PDE11A: variants seen among roughly 807,000 people sequenced by gnomAD.
PDE11A encodes phosphodiesterase 11A, also known as dual 3',5'-cyclic-AMP and -GMP phosphodiesterase 11A.
A neutral mutation model predicts 100.5 loss-of-function variants in PDE11A; 100 were observed. The ratio of observed to expected loss-of-function variants is 1.00; its 90% CI spans 0.85 to 1.18. PDE11A has a LOEUF of 1.18. Among genes scored for constraint, PDE11A ranks in the 50% most tolerant of loss-of-function variants. The probability of loss-of-function intolerance (pLI) is 0.00; values close to 1 mark genes in which losing one functional copy is unlikely to be tolerated. For missense variants in PDE11A, 1,141 were observed against 1,152.6 expected (o/e 0.99, Z 0.15); for synonymous variants, 381 against 420.8 (o/e 0.91, Z 1.16).
chr2:177,779,243 C>A (rs1334988264), intron 9 of PDE11A, among the ~76,000 whole-genome samples: 1 of 152,264 alleles, frequency 6.6e-6, no homozygotes, highest in African/African-American at 2.4e-5. Context: ...ATCATCTGAG[C>A]CTTCAGCAAG....
chr2:178,053,632 A>C (rs2086857512), intron 1 of PDE11A, among the ~76,000 whole-genome samples: 1 of 152,134 alleles, frequency 6.6e-6, no homozygotes, highest in East Asian at 1.9e-4. Flanking sequence ...CTCAGCCCAA[A>C]ATCTCCTTAA....
At chr2:177,697,897 A>C (rs1404618389) in intron 14 of PDE11A, among the ~76,000 whole-genome samples, 4 of 152,248 alleles carry the variant, frequency 2.6e-5, no homozygotes, top group African/African-American at 9.6e-5. Context: ...AAAAGCCATT[A>C]GAACAGTGGT....
chr2:177,787,873 C>T (rs922792709), intron 9 of PDE11A, among the ~76,000 whole-genome samples: 1 of 152,144 alleles, frequency 6.6e-6, no homozygotes, highest in Non-Finnish European at 1.5e-5. Flanking sequence ...TACAGGAGCA[C>T]CCAGATTCAT....
At chr2:177,718,674 A>G (rs1287580730) in intron 12 of PDE11A, among the ~76,000 whole-genome samples, 1 of 152,220 alleles carries the variant, frequency 6.6e-6, no homozygotes, top group African/African-American at 2.4e-5. Context: ...GACTGTTAAG[A>G]TGTATATCAA....
chr2:178,050,132 G>A (rs1279490830), intron 1 of PDE11A, among the ~76,000 whole-genome samples: 1 of 152,076 alleles, frequency 6.6e-6, no homozygotes, highest in Non-Finnish European at 1.5e-5. Context: ...ATACGGCCAG[G>A]TGCCCCTCTG....
intron 6 of PDE11A, among the ~76,000 whole-genome samples, chr2:177,830,935 G>T (rs192411988): frequency 6.6e-6 from 1 of 152,028 alleles, no homozygotes; most frequent in Non-Finnish European, 1.5e-5. Context: ...TCATAAGGTC[G>T]CAGAATTTAA....
intron 19 of PDE11A, among the ~76,000 whole-genome samples, chr2:177,639,135 C>T (rs548540075): frequency 6.6e-6 from 1 of 152,342 alleles, no homozygotes; most frequent in Admixed American, 6.5e-5. Flanking sequence ...AAATTCTATC[C>T]AGGCCACAAG....
At chr2:177,905,450 G>A (rs1249917276) in intron 2 of PDE11A, among the ~76,000 whole-genome samples, 1 of 152,198 alleles carries the variant, frequency 6.6e-6, no homozygotes, top group Non-Finnish European at 1.5e-5. Context: ...GATTATGAGG[G>A]CTGTGACATA....
chr2:177,788,535 A>T (rs1350764820), intron 9 of PDE11A, among the ~76,000 whole-genome samples: 1 of 151,522 alleles, frequency 6.6e-6, no homozygotes, highest in Non-Finnish European at 1.5e-5. Context: ...AAATAACTAA[A>T]ATCAGAGCAG....
intron 5 of PDE11A, among the ~76,000 whole-genome samples, chr2:177,861,796 TG>T (rs1427323331): frequency 1.3e-5 from 2 of 151,858 alleles, no homozygotes; most frequent in Non-Finnish European, 3.0e-5. Context: ...TCCACATGGG[TG>T]GCAAGACAAA....
chr2:177,675,771 G>A, intron 16 of PDE11A: 1 of 632,006 alleles, frequency 1.6e-6, no homozygotes, highest in South Asian at 1.5e-5. Flanking sequence ...GCAAATCAAG[G>A]AAAGCAAAGC....
chr2:178,075,646 T>C (rs993639957), upstream of PDE11A, among the ~76,000 whole-genome samples: 1 of 151,844 alleles, frequency 6.6e-6, no homozygotes, highest in Non-Finnish European at 1.5e-5. Flanking sequence ...CTGGAACTTA[T>C]TCTTTTCCCT....
intron 10 of PDE11A, among the ~76,000 whole-genome samples, chr2:177,734,897 GAGA>G (rs2081751654): frequency 6.6e-6 from 1 of 152,196 alleles, no homozygotes; most frequent in African/African-American, 2.4e-5. Context: ...AGGGTGAGTG[GAGA>G]AGATTTTGGT....
chr2:177,644,636 T>C (rs2080195248), intron 19 of PDE11A, among the ~76,000 whole-genome samples: 2 of 152,198 alleles, frequency 1.3e-5, no homozygotes, highest in Admixed American at 6.5e-5. Flanking sequence ...TGGGGGACCG[T>C]TGGGAAAACA....
At chr2:177,802,977 A>C (rs2082814788) in intron 9 of PDE11A, among the ~76,000 whole-genome samples, 3 of 151,974 alleles carry the variant, frequency 2.0e-5, no homozygotes, top group African/African-American at 7.2e-5. Context: ...AACTATAGGG[A>C]AAGTGCATAC....
At chr2:177,793,168 G>A (rs749432701) in intron 9 of PDE11A, among the ~76,000 whole-genome samples, 1 of 152,188 alleles carries the variant, frequency 6.6e-6, no homozygotes, top group Non-Finnish European at 1.5e-5. Flanking sequence ...GGGCCTTTCA[G>A]GCGGATAAAG....
chr2:177,686,116 T>C (rs1300502937), intron 15 of PDE11A, among the ~76,000 whole-genome samples: 2 of 152,188 alleles, frequency 1.3e-5, no homozygotes, highest in Admixed American at 6.5e-5. Context: ...AGCATGCTAA[T>C]TTGATTCTTC....
intron 5 of PDE11A, among the ~76,000 whole-genome samples, chr2:177,864,260 A>G (rs989159174): frequency 1.3e-5 from 2 of 152,156 alleles, no homozygotes; most frequent in African/African-American, 2.4e-5. Flanking sequence ...TGTAGGATGA[A>G]CAAGTCTAGA....
intron 1 of PDE11A, among the ~76,000 whole-genome samples, chr2:178,024,410 TTAAAAAATAAAAA>T (rs2086453888): frequency 6.6e-6 from 1 of 152,130 alleles, no homozygotes; most frequent in Non-Finnish European, 1.5e-5. Context: ...AGATTCCATC[TTAAAAAATAAAAA>T]TAAAAAATAA....
Sources: gnomAD v4.1 joint callset for allele counts (sites outside exome capture counted in the v4.1 genomes callset) on GRCh38, gnomAD v4.1.1 for gene constraint, MANE v1.5 for transcripts, NCBI Gene and HGNC (gene_info 2026-07-23, HGNC 2026-07-21) for gene names.